The following KLHL32 variants were observed in gnomAD, a reference collection of about 807,000 sequenced individuals.
KLHL32 encodes kelch like family member 32, also known as kelch-like protein 32.
In KLHL32, 35 loss-of-function variants were observed where a neutral mutation model predicts 64.8. The observed-to-expected ratio is 0.54, with a 90% CI of 0.41 to 0.72. KLHL32 has a LOEUF of 0.72. Among genes scored for constraint, KLHL32 ranks in the 30% least tolerant of loss-of-function variants. KLHL32 has a pLI of 0.00. For synonymous variants in KLHL32, 259 were observed against 281.0 expected (o/e 0.92, Z 0.78); for missense variants, 589 against 768.5 (o/e 0.77, Z 2.76).
chr6:96,979,298 C>T (rs544720062), intron 3 of KLHL32, among the ~76,000 whole-genome samples: 129 of 152,086 alleles, frequency 8.5e-4, no homozygotes, highest in African/African-American at 3.0e-3. Flanking sequence ...TCTTTAATCC[C>T]TCTTGAGTTG....
chr6:96,922,398 T>C (rs1768778210), upstream of KLHL32, among the ~76,000 whole-genome samples: 1 of 152,180 alleles, frequency 6.6e-6, no homozygotes, highest in South Asian at 2.1e-4. Context: ...CCTGGGTATC[T>C]AGCTAGGCTT....
intron 5 of KLHL32, among the ~76,000 whole-genome samples, chr6:97,066,650 T>C (rs1161337756): frequency 6.6e-6 from 1 of 152,234 alleles, no homozygotes; most frequent in Non-Finnish European, 1.5e-5. Context: ...ATTTTGACTA[T>C]ATGAGTATCA....
At position 97,134,205 on chromosome 6, in the gene KLHL32, G is replaced by A. The variant is rs1416229462; in HGVS notation, c.1701+1458G>A. Reference sequence around the variant, plus strand: ...ATCTCAAAGAAAGTAGAAGAGGAGAGATGATAAAGATGAGAGAAAATTAAT... The same window carrying A: ...ATCTCAAAGAAAGTAGAAGAGGAGAAATGATAAAGATGAGAGAAAATTAAT... On this transcript the variant is annotated intron_variant, in intron 10 of 10. Transcript: ENST00000369261. Among the ~76,000 whole-genome samples, 6 of 152,088 alleles carry A rather than the reference G, an allele frequency of 3.9e-5. No individual in the cohort carries two copies. In the East Asian group the frequency reaches 1.2e-3, roughly 29 times the overall value.
At chr6:96,961,452 A>G (rs1384432463) in intron 1 of KLHL32, among the ~76,000 whole-genome samples, 3 of 152,186 alleles carry the variant, frequency 2.0e-5, no homozygotes, top group African/African-American at 7.2e-5. Context: ...TTTGTATGTC[A>G]TCAAGACCTA....
intron 1 of KLHL32, among the ~76,000 whole-genome samples, chr6:96,943,726 T>C (rs1362302840): frequency 6.6e-6 from 1 of 152,220 alleles, no homozygotes; most frequent in Non-Finnish European, 1.5e-5. Flanking sequence ...TGCTTCCTTT[T>C]CCAGTTAAAC....
intron 7 of KLHL32, among the ~76,000 whole-genome samples, chr6:97,115,764 C>G (rs920309000): frequency 6.6e-6 from 1 of 152,084 alleles, no homozygotes; most frequent in African/African-American, 2.4e-5. Context: ...ATATTGTAAT[C>G]CAAATGGAAC....
chr6:97,117,247 A>G (rs1797888966), intron 7 of KLHL32, among the ~76,000 whole-genome samples: 1 of 152,228 alleles, frequency 6.6e-6, no homozygotes, highest in African/African-American at 2.4e-5. Context: ...GTTTGAGGCT[A>G]TTCCTTATCC....
At chr6:96,985,557 G>A (rs1776919317) in intron 3 of KLHL32, among the ~76,000 whole-genome samples, 1 of 152,086 alleles carries the variant, frequency 6.6e-6, no homozygotes, top group Admixed American at 6.5e-5. Context: ...ATTTCTTGGA[G>A]GCTTTGTTCA....
chr6:97,019,587 C>T (rs13192099), intron 3 of KLHL32, among the ~76,000 whole-genome samples: 1 of 152,220 alleles, frequency 6.6e-6, no homozygotes, highest in African/African-American at 2.4e-5. Flanking sequence ...CCACAGTTCT[C>T]TCAGCAGCTA....
chr6:96,946,052 A>T (rs1771879762), intron 1 of KLHL32, among the ~76,000 whole-genome samples: 1 of 152,274 alleles, frequency 6.6e-6, no homozygotes, highest in East Asian at 1.9e-4. Context: ...GCTGGGATAT[A>T]AGGGTTTACA....
At chr6:96,943,035 C>G (rs2128000997) in intron 1 of KLHL32, among the ~76,000 whole-genome samples, 1 of 101,492 alleles carries the variant, frequency 9.9e-6, no homozygotes, top group Non-Finnish European at 2.2e-5. Flanking sequence ...CATGCTCCCT[C>G]TACACACACA....
At chr6:97,029,980 T>A (rs1783302485) in intron 3 of KLHL32, among the ~76,000 whole-genome samples, 1 of 152,228 alleles carries the variant, frequency 6.6e-6, no homozygotes, top group African/African-American at 2.4e-5. Flanking sequence ...GTTGCTCTTT[T>A]CAATGACTTC....
chr6:96,954,312 ATT>A lies in KLHL32; in HGVS notation c.-65-12664_-65-12663del, dbSNP rs71012579. Among the ~76,000 whole-genome samples, 167 of 89,426 alleles carry A rather than the reference ATT, an allele frequency of 1.9e-3. 4 individuals carry two copies. In the South Asian group the frequency reaches 0.045, roughly 24 times the overall value. 58.7% of individuals were successfully genotyped at this position (89,426 alleles called of 152,430 possible). On this transcript the variant is annotated intron_variant, in intron 1 of 10. Transcript: ENST00000369261. ...AATTGTTTTAGTTTTCTTTCCTTCAATTTTTTTTTTTTTTTTTTTTTGCTTAG... is the reference window on the plus strand; with the variant it reads ...AATTGTTTTAGTTTTCTTTCCTTCAATTTTTTTTTTTTTTTTTTTGCTTAG...
In KLHL32 at chr6:97,041,545, C is replaced by G. The variant is rs531719235; in HGVS notation, c.258C>G (p.His86Gln). 3.1e-6 allele frequency: 5 copies of G among 1,613,764 alleles called. No homozygotes were observed. The highest frequency in any genetic ancestry group is 4.2e-6 in the Non-Finnish European group (5 of 1,179,756). Residue 86 changes from histidine to glutamine, a missense_variant, in exon 4 of 11, where the codon CAC becomes CAG. Physicochemically the swap from His to Gln is conservative, Grantham distance 24. Transcript: ENST00000369261. The part of the protein sequence containing the change: ...VESGADEVNL[H>Q]GVTSLGLKQA... ...GTGGAGCTGATGAGGTTAATTTGCA[C>G]GGTGTGACCAGCCTTGGCTTAAAGC...
At chr6:96,967,355 GA>G (rs1774568632) in intron 2 of KLHL32, among the ~76,000 whole-genome samples, 1 of 151,844 alleles carries the variant, frequency 6.6e-6, no homozygotes, top group African/African-American at 2.4e-5. Context: ...CCTCAAACAT[GA>G]GGTATGCTAG....
intron 6 of KLHL32, among the ~76,000 whole-genome samples, chr6:97,107,586 A>G (rs991857528): frequency 3.3e-5 from 5 of 152,186 alleles, no homozygotes; most frequent in Admixed American, 6.5e-5. Flanking sequence ...AAACACTGCA[A>G]TGCTTATTGC....
intron 1 of KLHL32, among the ~76,000 whole-genome samples, chr6:96,935,028 G>C (rs1770411409): frequency 6.6e-6 from 1 of 152,178 alleles, no homozygotes; most frequent in African/African-American, 2.4e-5. Flanking sequence ...TTAAGCACCA[G>C]TATACAGATA....
At chr6:96,924,568 A>T, upstream of KLHL32, 1 of 47,074 alleles carries the variant, frequency 2.1e-5, no homozygotes, top group African/African-American at 8.7e-5. Flanking sequence ...ATCGCGGGGG[A>T]GGGGGAGGGA....
At chr6:97,128,181 T>G (rs1331813822) in intron 8 of KLHL32, among the ~76,000 whole-genome samples, 1 of 152,206 alleles carries the variant, frequency 6.6e-6, no homozygotes, top group Non-Finnish European at 1.5e-5. Context: ...ACACAACAGG[T>G]TGGCTTTGGC....
Sources: gnomAD v4.1 joint callset for allele counts (sites outside exome capture counted in the v4.1 genomes callset) on GRCh38, gnomAD v4.1.1 for gene constraint, MANE v1.5 for transcripts, NCBI Gene and HGNC (gene_info 2026-07-23, HGNC 2026-07-21) for gene names.